Variants in PCDHGA5 observed in about 807,000 individuals in gnomAD.
PCDHGA5 encodes protocadherin gamma subfamily A, 5.
PCDHGA5 carries 36 observed loss-of-function variants against 56.7 expected under a neutral mutation model. The ratio of observed to expected loss-of-function variants is 0.64; its 90% CI spans 0.49 to 0.84. PCDHGA5 has a LOEUF of 0.84. PCDHGA5 is among the 40% of genes least tolerant of loss of function. The probability of loss-of-function intolerance (pLI) is 0.00; values close to 1 mark genes in which losing one functional copy is unlikely to be tolerated. For missense variants in PCDHGA5, 1,305 were observed against 1,201.5 expected (o/e 1.09, Z -1.27); for synonymous variants, 563 against 520.2 (o/e 1.08, Z -1.12).
intron 1 of PCDHGA5, chr5:141,374,156 G>A: frequency 6.2e-7 from 1 of 1,612,230 alleles, no homozygotes; most frequent in Non-Finnish European, 8.5e-7. Context: ...GACGCTGTGG[G>A]GGGCCGCGGC....
Position 141,485,950 on chromosome 5 carries a change from G to A in PCDHGA5, c.2422-8857G>A. ...TGTTGGAGAGCGCACCAGCGGGCAT[G>A]GTGCTCATCCAGCTCAATGCCTCAG... On this transcript the variant is annotated intron_variant, in intron 1 of 3. Transcript: ENST00000518069. The surrounding 1 kb of genome is among the most constrained non-coding windows in gnomAD (Gnocchi z 5.7). 6.2e-7 allele frequency: 1 copy of A among 1,614,184 alleles called. No individual in the cohort carries two copies. The highest frequency in any genetic ancestry group is 8.5e-7 in the Non-Finnish European group (1 of 1,180,030).
At chr5:141,504,134 A>G (rs73280371) in intron 2 of PCDHGA5, among the ~76,000 whole-genome samples, 139 of 152,168 alleles carry the variant, frequency 9.1e-4, no homozygotes, top group African/African-American at 3.1e-3. Flanking sequence ...TCCCGCCAAC[A>G]CTCCCCTGCA....
Position 141,477,864 on chromosome 5 carries a change from G to A in PCDHGA5, c.2422-16943G>A, listed in dbSNP as rs775055164. On this transcript the variant is annotated intron_variant, in intron 1 of 3. Transcript: ENST00000518069. The surrounding 1 kb of genome is among the most constrained non-coding windows in gnomAD (Gnocchi z 4.9). Reference sequence around the variant, plus strand: ...AGCTCGGTGGAGATGCTGCCTCGAGGTACCTCAGCTGGCCACCTAGTGTCA... The same window carrying A: ...AGCTCGGTGGAGATGCTGCCTCGAGATACCTCAGCTGGCCACCTAGTGTCA... 1.2e-6 allele frequency: 2 copies of A among 1,613,122 alleles called. No homozygotes were observed. The highest frequency in any genetic ancestry group is 4.5e-5 in the East Asian group (2 of 44,822).
intron 1 of PCDHGA5, among the ~76,000 whole-genome samples, chr5:141,382,275 G>A (rs192196334): frequency 6.6e-6 from 1 of 152,264 alleles, no homozygotes; most frequent in African/African-American, 2.4e-5. Context: ...GAACATATGT[G>A]TTCAATTAAT....
intron 1 of PCDHGA5, among the ~76,000 whole-genome samples, chr5:141,368,405 A>T (rs1414658123): frequency 1.3e-5 from 2 of 152,154 alleles, no homozygotes; most frequent in Admixed American, 1.3e-4. Flanking sequence ...ACACACATAC[A>T]TACACACATG....
In PCDHGA5 at chr5:141,408,415, G is replaced by A. The variant is rs554066897; in HGVS notation, c.2421+41664G>A. The A allele has an allele frequency of 1.8e-5, 29 of 1,614,074 alleles. 1 individual carries two copies. In the South Asian group the frequency reaches 2.9e-4, roughly 16 times the overall value. On this transcript the variant is annotated intron_variant, in intron 1 of 3. Coordinates refer to ENST00000518069, the MANE Select transcript of PCDHGA5 (RefSeq NM_018918.3). Reference sequence around the variant, plus strand: ...CTCGCAAGCTGCGAGTGAGCGCGGAGAAGCTGCACTTCAGCGTAGACGCGG... The same window carrying A: ...CTCGCAAGCTGCGAGTGAGCGCGGAAAAGCTGCACTTCAGCGTAGACGCGG...
intron 1 of PCDHGA5, chr5:141,419,566 C>G: frequency 3.1e-6 from 5 of 1,611,792 alleles, no homozygotes; most frequent in Non-Finnish European, 2.5e-6. Context: ...CGCTGGGTCC[C>G]GACGGCTCCG....
chr5:141,383,541 C>T lies in PCDHGA5; in HGVS notation c.2421+16790C>T, dbSNP rs1197504109. 4 of 1,612,656 alleles carry T rather than the reference C, an allele frequency of 2.5e-6. No individual in the cohort carries two copies. In the East Asian group the frequency reaches 6.7e-5, roughly 27 times the overall value. ...GGGTTCACCACCTGGTCCTCACAGC[C>T]TCTGATGGCGGCGACCCGCCCCGAT... On this transcript the variant is annotated intron_variant, in intron 1 of 3. Coordinates refer to ENST00000518069, the MANE Select transcript of PCDHGA5 (RefSeq NM_018918.3).
rs549955923 is a variant in PCDHGA5, at chr5:141,409,897, A to G, written c.2421+43146A>G. 8.7e-6 allele frequency: 14 copies of G among 1,613,204 alleles called. No individual in the cohort carries two copies. The South Asian group carries it at 1.3e-4, about 15-fold the overall frequency. On this transcript the variant is annotated intron_variant, in intron 1 of 3. Coordinates refer to ENST00000518069, the MANE Select transcript of PCDHGA5 (RefSeq NM_018918.3). ...ACAACGCACCGCGGGTGCTGTACCC[A>G]GCTCTGGGTCCTGACGGCTCCGCGT...
At chr5:141,421,325 G>T in intron 1 of PCDHGA5, 1 of 1,613,906 alleles carries the variant, frequency 6.2e-7, no homozygotes, top group Non-Finnish European at 8.5e-7. Flanking sequence ...AGGCAGATCC[G>T]ATATTCGGTG....
intron 1 of PCDHGA5, among the ~76,000 whole-genome samples, chr5:141,454,172 CAGCTAAAGG>C (rs1351117555): frequency 6.6e-6 from 1 of 152,126 alleles, no homozygotes; most frequent in Admixed American, 6.5e-5. Context: ...TCTAGAAGGG[CAGCTAAAGG>C]AGCTTAGTGA....
At chr5:141,372,031 T>G in intron 1 of PCDHGA5, 3 of 1,613,434 alleles carry the variant, frequency 1.9e-6, no homozygotes, top group Non-Finnish European at 2.5e-6. Context: ...AGCGCCAACG[T>G]GAGCCTGCGC....
chr5:141,489,793 C>G lies in PCDHGA5; in HGVS notation c.2422-5014C>G. On this transcript the variant is annotated intron_variant, in intron 1 of 3. Transcript: ENST00000518069. This position sits in a 1 kb window ranked among gnomAD's most constrained non-coding sequence, Gnocchi z 4.5. ...CCACTTCTCTCTGAATGTGAAGACC[C>G]TAAAAGATGGGAAGCCATTCCCAGA... 1 of 1,614,160 alleles carries G rather than the reference C, an allele frequency of 6.2e-7. No individual in the cohort carries two copies. The highest frequency in any genetic ancestry group is 1.1e-5 in the South Asian group (1 of 91,078).
Position 141,431,154 on chromosome 5 carries a change from A to G in PCDHGA5, c.2422-63653A>G, listed in dbSNP as rs754200786. ...AGGGACATTAACGACAATGCGCCTT[A>G]CTTTCGTGAAAGTGAATTAGAAATA... On this transcript the variant is annotated intron_variant, in intron 1 of 3. Coordinates refer to ENST00000518069, the MANE Select transcript of PCDHGA5 (RefSeq NM_018918.3). The surrounding 1 kb of genome is among the most constrained non-coding windows in gnomAD (Gnocchi z 4.8). 1.1e-5 allele frequency: 18 copies of G among 1,614,136 alleles called. No homozygotes were observed. In the East Asian group the frequency reaches 4.0e-4, roughly 36 times the overall value.
rs775654786 is a variant in PCDHGA5 at position 141,491,718 on chromosome 5, G to A, written c.2422-3089G>A. Reference sequence around the variant, plus strand: ...GGAGCCAGGTGAGGGGCTCGGCGCCGCCCCGGGCGACCCCTGGGGGCGGCA... The same window carrying A: ...GGAGCCAGGTGAGGGGCTCGGCGCCACCCCGGGCGACCCCTGGGGGCGGCA... On this transcript the variant is annotated intron_variant, in intron 1 of 3. Coordinates refer to ENST00000518069, the MANE Select transcript of PCDHGA5 (RefSeq NM_018918.3). This position sits in a 1 kb window ranked among gnomAD's most constrained non-coding sequence, Gnocchi z 6.9. 1 of 1,607,600 alleles carries A rather than the reference G, an allele frequency of 6.2e-7. No homozygotes were observed. The highest frequency in any genetic ancestry group is 2.2e-5 in the East Asian group (1 of 44,690).
intron 1 of PCDHGA5, chr5:141,409,634 G>GGA (rs766487639): frequency 1.2e-6 from 2 of 1,613,720 alleles, no homozygotes; most frequent in African/African-American, 2.7e-5. Flanking sequence ...GAGCGCCTCT[G>GGA]ACCCGGATTT....
chr5:141,500,433 T>C (rs1398344932), intron 2 of PCDHGA5, among the ~76,000 whole-genome samples: 1 of 151,764 alleles, frequency 6.6e-6, no homozygotes, highest in East Asian at 1.9e-4. Context: ...ATGGTCTCGA[T>C]CTCCTGACCT....
intron 1 of PCDHGA5, among the ~76,000 whole-genome samples, chr5:141,450,829 A>ATTTT (rs373424450): frequency 2.2e-4 from 30 of 135,142 alleles, no homozygotes; most frequent in African/African-American, 6.3e-4. Flanking sequence ...TATTATTATT[A>ATTTT]TTTTTTTTTT....
intron 1 of PCDHGA5, among the ~76,000 whole-genome samples, chr5:141,407,447 G>A (rs1347838571): frequency 3.9e-5 from 6 of 152,260 alleles, no homozygotes; most frequent in African/African-American, 2.4e-5. Context: ...ACCAGAACAC[G>A]AGGCTCACCA....
Sources: allele counts gnomAD v4.1 joint callset (sites outside exome capture counted in the v4.1 genomes callset), GRCh38; gene constraint gnomAD v4.1.1; non-coding constraint Gnocchi (gnomAD v3.1); transcripts MANE v1.5; gene names NCBI Gene and HGNC (gene_info 2026-07-23, HGNC 2026-07-21).